Variants in TEX15 observed in about 807,000 individuals in gnomAD.
The protein encoded by TEX15 is testis expressed 15, meiosis and synapsis associated, also known as testis-expressed protein 15.
Under a neutral mutation model 237.3 loss-of-function variants are expected in TEX15, and 171 were observed. That is an observed-to-expected ratio of 0.72 (90% CI 0.64 to 0.82). The LOEUF (loss-of-function observed/expected upper bound fraction) is 0.82. TEX15 is among the 40% of genes least tolerant of loss of function. TEX15 has a pLI of 0.00. For synonymous variants in TEX15, 1,338 were observed against 1,269.8 expected, an observed-to-expected ratio of 1.05 and a Z score of -1.14; for missense variants, 3,750 against 3,646.5, an observed-to-expected ratio of 1.03 and a Z score of -0.73.
chr8:30,839,828 T>C, intron 9 of TEX15, 78 bp downstream of exon 9: 1 of 850,916 alleles, frequency 1.2e-6, no homozygotes, highest in Non-Finnish European at 1.9e-6. Flanking sequence ...ATATAAATAA[T>C]TGTGTTATTC....
At position 30,831,602 on chromosome 8, in the gene TEX15, T is replaced by TA. The variant is rs1807181413; in HGVS notation, c.*1683dup. ...GTCACGTACAGATTTTTTAAAAATG[T>TA]AACTGAATATTTAGGTAAGTCTTTA... On this transcript the variant is annotated 3_prime_UTR_variant, in exon 11 of 11. Coordinates refer to ENST00000643185, the MANE Select transcript of TEX15 (RefSeq NM_001350162.2). 6.6e-6 allele frequency: 1 copy of TA among 152,168 alleles called. No homozygotes were observed. Among genetic ancestry groups the TA allele is most frequent in the Admixed American group, 6.6e-5 (1 of 15,256 alleles). 9.4% of individuals were successfully genotyped at this position (152,168 alleles called of 1,614,324 possible). A position where few individuals can be genotyped will look rare whatever the true frequency, so the allele number is the denominator to read the frequency against.
chr8:30,904,303 C>T (rs1273688693), intron 1 of TEX15, among the ~76,000 whole-genome samples: 5 of 151,888 alleles, frequency 3.3e-5, no homozygotes, highest in Admixed American at 6.6e-5. Flanking sequence ...AAAAACTAGC[C>T]GGGTGTGGTG....
At chr8:30,881,641 T>TTTTTA (rs1808528715) in intron 3 of TEX15, among the ~76,000 whole-genome samples, 1 of 142,448 alleles carries the variant, frequency 7.0e-6, no homozygotes, top group African/African-American at 2.9e-5. Flanking sequence ...TTTTTTTTTT[T>TTTTTA]GAGACAGTCT....
At chr8:30,863,847 C>T (rs1208142372) in intron 5 of TEX15, among the ~76,000 whole-genome samples, 3 of 151,980 alleles carry the variant, frequency 2.0e-5, no homozygotes, top group Non-Finnish European at 2.9e-5. Flanking sequence ...CACAACCAAA[C>T]CCTGGGAGGA....
At position 30,912,986 on chromosome 8, in the gene TEX15, C is replaced by G. The variant is rs897211486; in HGVS notation, c.-193G>C. 7 of 152,584 alleles carry G rather than the reference C, an allele frequency of 4.6e-5. No homozygotes were observed. The highest frequency in any genetic ancestry group is 1.9e-4 in the East Asian group (1 of 5,170). 9.5% of individuals were successfully genotyped at this position (152,584 alleles called of 1,614,324 possible). A position where few individuals can be genotyped will look rare whatever the true frequency, so the allele number is the denominator to read the frequency against. On this transcript the variant is annotated 5_prime_UTR_variant, in exon 1 of 11. Coordinates refer to ENST00000643185, the MANE Select transcript of TEX15 (RefSeq NM_001350162.2). ...AGCCTCAGGAACACAGCAGCACCCC[C>G]CAGCGAGGTGCGCACAGTGAGCAGG...
Position 30,844,510 on chromosome 8 carries a change from T to C in TEX15, c.5657A>G (p.Asn1886Ser). ...KNQISEESCL[N>S]EKIITTNLID... ...CAAGTTAGTTGTAATAATTTTCTCA[T>C]TTAAGCAGGATTCTTCTGAGATCTG... The change falls in exon 8 of 11, where the codon AAT becomes AGT. Residue 1886 changes from asparagine to serine, a missense_variant. By Grantham distance (46) the Asn-to-Ser change is conservative. Coordinates refer to ENST00000643185, the MANE Select transcript of TEX15 (RefSeq NM_001350162.2). 6.2e-7 allele frequency: 1 copy of C among 1,613,114 alleles called. No individual in the cohort carries two copies. The highest frequency in any genetic ancestry group is 8.5e-7 in the Non-Finnish European group (1 of 1,179,586).
chr8:30,855,644 G>T (rs950382445), intron 7 of TEX15, among the ~76,000 whole-genome samples: 1 of 152,094 alleles, frequency 6.6e-6, no homozygotes, highest in African/African-American at 2.4e-5. Flanking sequence ...ACTTGTATGC[G>T]AATATTCATA....
rs777289722 is a variant in TEX15, at chr8:30,846,637, A to G, written c.3530T>C (p.Leu1177Ser). ...TACATGTGTGCAAAAACTATCTTTC[A>G]ATGCAAGGGAGTCAGCTGTCGGGCT... ...GFSPTADSLA[L>S]KDSFCTHVTE... Residue 1177 changes from leucine (L) to serine (S), a missense_variant, in exon 8 of 11, where the codon TTG (leucine) becomes TCG (serine). By Grantham distance (145) the Leu-to-Ser change is moderately radical. Transcript: ENST00000643185. 4 of 1,613,892 alleles carry G rather than the reference A, an allele frequency of 2.5e-6. No individual in the cohort carries two copies. The South Asian group carries it at 3.3e-5, about 13-fold the overall frequency.
Position 30,837,795 on chromosome 8 carries a change from G to T in TEX15, c.8489C>A (p.Thr2830Lys). The T allele has an allele frequency of 6.2e-7, 1 of 1,614,062 alleles. No individual in the cohort carries two copies. The highest frequency in any genetic ancestry group is 1.7e-5 in the Admixed American group (1 of 60,002). ...KRNVNFSAAETKSDKKDCAAF... is the reference protein window; with the variant it reads ...KRNVNFSAAEKKSDKKDCAAF... ...AGCACAATCTTTCTTATCACTTTTT[G>T]TTTCAGCAGCACTGAAGTTCACATT... is the stretch of plus-strand genomic sequence containing the variant. The change falls in exon 10 of 11, where the codon ACA becomes AAA. Residue 2830 changes from threonine (T) to lysine (K), a missense_variant. Physicochemically the swap from Thr to Lys is moderately conservative, Grantham distance 78. Transcript: ENST00000643185.
intron 1 of TEX15, among the ~76,000 whole-genome samples, chr8:30,907,688 T>A (rs1433855078): frequency 7.1e-6 from 1 of 139,934 alleles, no homozygotes; most frequent in Non-Finnish European, 1.5e-5. Context: ...TATAAAATTT[T>A]ATATATAAAA....
Position 30,845,732 on chromosome 8 carries a change from T to C in TEX15, c.4435A>G (p.Lys1479Glu), listed in dbSNP as rs779545022. 2.5e-6 allele frequency: 4 copies of C among 1,613,560 alleles called. No homozygotes were observed. The African/African-American group carries it at 5.3e-5, about 22-fold the overall frequency. ...AGGCATTTTTTCTCTCCACTTGTTT[T>C]ATAAGACTTGTGCTTTGACACATGG... ...LTHVSKHKSY[K>E]TSGEKKCLSR... The change falls in exon 8 of 11, where the codon AAA (lysine) becomes GAA (glutamate). Residue 1479 changes from lysine to glutamate, a missense_variant. By Grantham distance (56) the Lys-to-Glu change is moderately conservative (BLOSUM62 1). Coordinates refer to ENST00000643185, the MANE Select transcript of TEX15 (RefSeq NM_001350162.2).
intron 2 of TEX15, among the ~76,000 whole-genome samples, chr8:30,898,225 G>T (rs558212494): frequency 2.6e-5 from 4 of 152,168 alleles, no homozygotes; most frequent in Non-Finnish European, 4.4e-5. Flanking sequence ...TCGTGCCCCC[G>T]TGAAACTCAC....
In TEX15 at chr8:30,845,999, C is replaced by CT. The variant is rs753315680; in HGVS notation, c.4167dup (p.Ala1390SerfsTer3). On this transcript the variant is annotated frameshift_variant, in exon 8 of 11. Transcript: ENST00000643185. LOFTEE classifies it high-confidence loss of function. Reference sequence around the variant, plus strand: ...AAAGATGTGTGAACTCTTCTATGAGCTTTTTTTAAGTGAACAACTGCTTTG... The same window carrying CT: ...AAAGATGTGTGAACTCTTCTATGAGCTTTTTTTTAAGTGAACAACTGCTTTG... The CT allele has an allele frequency of 5.6e-6, 9 of 1,612,864 alleles. No individual in the cohort carries two copies. Among genetic ancestry groups the CT allele is most frequent in the South Asian group, 2.2e-5 (2 of 90,900 alleles).
rs1481395756 is a variant in TEX15 at position 30,859,900 on chromosome 8, C to A, written c.687+11G>T. ...GTACTTTTCAAGAAATCAAATGAAC[C>A]ATTAACATACTGCTGAACTGTAGGC... On this transcript the variant is annotated intron_variant, in intron 6 of 10. Transcript: ENST00000643185. 4 of 1,404,550 alleles carry A rather than the reference C, an allele frequency of 2.8e-6. No individual in the cohort carries two copies. Among genetic ancestry groups the A allele is most frequent in the South Asian group, 1.7e-5 (1 of 60,440 alleles). 87.0% of individuals were successfully genotyped at this position (1,404,550 alleles called of 1,614,324 possible).
intron 10 of TEX15, among the ~76,000 whole-genome samples, chr8:30,836,351 C>T (rs1023399520): frequency 1.3e-5 from 2 of 151,150 alleles, no homozygotes; most frequent in Non-Finnish European, 2.9e-5. Context: ...GTAGCTGGGA[C>T]TACAGGTGTG....
chr8:30,863,158 A>T (rs1426310816), intron 5 of TEX15, among the ~76,000 whole-genome samples: 1 of 152,180 alleles, frequency 6.6e-6, no homozygotes, highest in East Asian at 1.9e-4. Context: ...CAAATTTCAG[A>T]ATATTTGTAT....
In TEX15 at chr8:30,842,470, A is replaced by G. The variant is rs770669729; in HGVS notation, c.7697T>C (p.Ile2566Thr). ...GGATGCTATATATGGCACAAAGTCA[A>G]TATATGTGGAAATAAAATACTTGGA... Reference protein sequence around the residue: ...KKSKYFISTYIDFVPYIASIN... With the variant: ...KKSKYFISTYTDFVPYIASIN... Residue 2566 changes from isoleucine to threonine, a missense_variant, in exon 8 of 11, where the codon ATT (isoleucine) becomes ACT (threonine). Coordinates refer to ENST00000643185, the MANE Select transcript of TEX15 (RefSeq NM_001350162.2). 1.1e-5 allele frequency: 18 copies of G among 1,613,368 alleles called. No individual in the cohort carries two copies. In the South Asian group the frequency reaches 1.8e-4, roughly 16 times the overall value.
intron 2 of TEX15, among the ~76,000 whole-genome samples, chr8:30,890,329 CAAG>C (rs893156000): frequency 1.3e-5 from 2 of 151,620 alleles, no homozygotes; most frequent in African/African-American, 4.9e-5. Context: ...AAAATTGATT[CAAG>C]AAGAAATAAA....
At chr8:30,905,715 C>T (rs908749445) in intron 1 of TEX15, among the ~76,000 whole-genome samples, 9 of 132,578 alleles carry the variant, frequency 6.8e-5, no homozygotes, top group African/African-American at 2.8e-4. Context: ...ATGGCGAAAA[C>T]CTGTCTTTAC....
Sources: gnomAD v4.1 joint callset for allele counts (sites outside exome capture counted in the v4.1 genomes callset) on GRCh38, gnomAD v4.1.1 for gene constraint, MANE v1.5 for transcripts, NCBI Gene and HGNC (gene_info 2026-07-23, HGNC 2026-07-21) for gene names.